The following MARCHF5 variants were observed in gnomAD, a reference collection of about 807,000 sequenced individuals.
MARCHF5 encodes the protein membrane associated ring-CH-type finger 5.
Under a neutral mutation model 36.5 loss-of-function variants are expected in MARCHF5, and 5 were observed. The ratio of observed to expected loss-of-function variants is 0.14; its 90% CI spans 0.07 to 0.29. The LOEUF (loss-of-function observed/expected upper bound fraction) is 0.29, where lower values mean the gene tolerates loss of function less well. Ranked by LOEUF, MARCHF5 falls within the 10% of genes least tolerant of loss-of-function variation. MARCHF5 has a pLI of 1.00. For missense variants in MARCHF5, 179 were observed against 336.3 expected (o/e 0.53, Z 3.66); for synonymous variants, 103 against 109.9 (o/e 0.94, Z 0.39).
chr10:92,330,813 A>G (rs1037651186), intron 2 of MARCHF5, among the ~76,000 whole-genome samples: 2 of 152,202 alleles, frequency 1.3e-5, no homozygotes, highest in Non-Finnish European at 2.9e-5. Context: ...TAACACCTTC[A>G]TTGTACAGAT....
At chr10:92,309,686 C>CA (rs1843122303) in intron 1 of MARCHF5, among the ~76,000 whole-genome samples, 1 of 151,480 alleles carries the variant, frequency 6.6e-6, no homozygotes, top group South Asian at 2.1e-4. Context: ...AAATTTTATG[C>CA]AAAAATCATA....
At chr10:92,335,313 C>T (rs1267460469) in intron 2 of MARCHF5, among the ~76,000 whole-genome samples, 2 of 152,178 alleles carry the variant, frequency 1.3e-5, no homozygotes, top group African/African-American at 4.8e-5. Context: ...ACATAAACTT[C>T]ATAGGAAGAG....
chr10:92,307,334 C>T (rs1036632413), intron 1 of MARCHF5, among the ~76,000 whole-genome samples: 1 of 152,126 alleles, frequency 6.6e-6, no homozygotes, highest in African/African-American at 2.4e-5. Flanking sequence ...GCTTTAATTT[C>T]CCCTTTGCCC....
At chr10:92,309,912 A>C (rs1174849681) in intron 1 of MARCHF5, among the ~76,000 whole-genome samples, 1 of 152,220 alleles carries the variant, frequency 6.6e-6, no homozygotes, top group Non-Finnish European at 1.5e-5. Context: ...GTGGGTCAAA[A>C]GGGTCAGAAT....
At chr10:92,301,663 ACT>A (rs1406061891) in intron 1 of MARCHF5, among the ~76,000 whole-genome samples, 2 of 152,200 alleles carry the variant, frequency 1.3e-5, no homozygotes, top group African/African-American at 4.8e-5. Context: ...AGGATGCCAA[ACT>A]CTGTAGATGC....
At chr10:92,297,179 T>C (rs1013521035) in intron 1 of MARCHF5, among the ~76,000 whole-genome samples, 1 of 151,506 alleles carries the variant, frequency 6.6e-6, no homozygotes, top group Non-Finnish European at 1.5e-5. Context: ...TTTTTTTTTT[T>C]TTTTTGAGTC....
At chr10:92,329,419 A>G (rs1056427621) in intron 2 of MARCHF5, among the ~76,000 whole-genome samples, 5 of 152,310 alleles carry the variant, frequency 3.3e-5, no homozygotes, top group Admixed American at 6.5e-5. Context: ...TAAGAAATAT[A>G]TTTTCCCCAA....
Position 92,300,849 on chromosome 10 carries a change from C to T in MARCHF5, c.35+9320C>T, listed in dbSNP as rs111540169. 2.6e-3 allele frequency among the ~76,000 whole-genome samples: 394 copies of T among 151,518 alleles called. 1 individual carries two copies. Among genetic ancestry groups the T allele is most frequent in the African/African-American group, 8.4e-3 (346 of 41,322 alleles). On this transcript the variant is annotated intron_variant, in intron 1 of 5. Transcript: ENST00000358935. The stretch of plus-strand genomic sequence containing the variant: ...TCTGCAGAAATATTTTTCTCTTCTT[C>T]TCCAGACTCATGTAGCAGTTCATCT...
chr10:92,322,344 C>G (rs1843300123), intron 2 of MARCHF5, among the ~76,000 whole-genome samples: 1 of 144,618 alleles, frequency 6.9e-6, no homozygotes. Context: ...TATTTATGTC[C>G]TTTCTTCCTT....
chr10:92,295,861 A>G (rs758820317), intron 1 of MARCHF5, among the ~76,000 whole-genome samples: 1 of 151,766 alleles, frequency 6.6e-6, no homozygotes, highest in Non-Finnish European at 1.5e-5. Flanking sequence ...ATATACATAC[A>G]TACATATATA....
At chr10:92,311,418 C>T in intron 2 of MARCHF5, 81 bp downstream of exon 2, 1 of 960,408 alleles carries the variant, frequency 1.0e-6, no homozygotes, top group Non-Finnish European at 1.5e-6. Context: ...AAATGAACCA[C>T]CTCTTTTTTT....
intron 3 of MARCHF5, among the ~76,000 whole-genome samples, chr10:92,347,158 A>C (rs1843654180): frequency 1.4e-5 from 2 of 141,692 alleles, no homozygotes; most frequent in Non-Finnish European, 3.0e-5. Flanking sequence ...AACCTGGGAA[A>C]CGTAGCAAGA....
At position 92,298,297 on chromosome 10, in the gene MARCHF5, A is replaced by G. The variant is rs535378012; in HGVS notation, c.35+6768A>G. Among the ~76,000 whole-genome samples the G allele has an allele frequency of 1.3e-3, 192 of 152,240 alleles. 1 individual carries two copies. The highest frequency in any genetic ancestry group is 4.4e-3 in the African/African-American group (183 of 41,558). ...CTTTTTCTTCCTTCAATTTCTATGT[A>G]TGGTTCAATTCTCAGCATTTACTAT... On this transcript the variant is annotated intron_variant, in intron 1 of 5. Transcript: ENST00000358935.
In MARCHF5 at chr10:92,340,556, AG is replaced by A. The variant is rs1843566913; in HGVS notation, c.239-116del. 1.6e-5 allele frequency: 15 copies of A among 952,552 alleles called. No homozygotes were observed. The South Asian group carries it at 2.7e-4, about 17-fold the overall frequency. 59.0% of individuals were successfully genotyped at this position (952,552 alleles called of 1,614,324 possible). ...CACTGCACTATAATCTGGATGACAAAGTGAGACCCTGTGTCTTGTTGGGGGG... is the reference window on the plus strand; with the variant it reads ...CACTGCACTATAATCTGGATGACAAATGAGACCCTGTGTCTTGTTGGGGGG... On this transcript the variant is annotated intron_variant, in intron 2 of 5. Transcript: ENST00000358935.
Position 92,349,823 on chromosome 10 carries a change from CAAAGGA to C in MARCHF5, c.707_712del (p.Gln236_Thr238delinsPro). 1 of 1,612,372 alleles carries C rather than the reference CAAAGGA, an allele frequency of 6.2e-7. No homozygotes were observed. The highest frequency in any genetic ancestry group is 8.5e-7 in the Non-Finnish European group (1 of 1,179,018). ...GTTCAGTAGTGTTAACTCTAATTTACAAAGGACAATCTTGGTAAGACGGCTTTAACA... is the reference window on the plus strand; with the variant it reads ...GTTCAGTAGTGTTAACTCTAATTTACCAATCTTGGTAAGACGGCTTTAACA... On this transcript the variant is annotated inframe_deletion, in exon 5 of 6. Transcript: ENST00000358935.
At chr10:92,332,093 T>C (rs1843443693) in intron 2 of MARCHF5, among the ~76,000 whole-genome samples, 1 of 150,918 alleles carries the variant, frequency 6.6e-6, no homozygotes, top group Non-Finnish European at 1.5e-5. Context: ...CAGATACTAT[T>C]TTGGACCAGG....
At chr10:92,306,683 A>G (rs937521002) in intron 1 of MARCHF5, among the ~76,000 whole-genome samples, 2 of 152,110 alleles carry the variant, frequency 1.3e-5, no homozygotes, top group African/African-American at 4.8e-5. Context: ...GCAAAAAGGG[A>G]AAGCATAATT....
chr10:92,310,635 C>T (rs540964258), intron 1 of MARCHF5, among the ~76,000 whole-genome samples: 18 of 151,456 alleles, frequency 1.2e-4, no homozygotes, highest in South Asian at 8.3e-4. Context: ...TATACTTTAC[C>T]GGAAAGAAAA....
rs1843742691 is a variant in MARCHF5, at chr10:92,353,455, C to CT, written c.*2249dup. 6.6e-6 allele frequency: 1 copy of CT among 152,164 alleles called. No homozygotes were observed. Among genetic ancestry groups the CT allele is most frequent in the South Asian group, 2.1e-4 (1 of 4,826 alleles). 9.4% of individuals were successfully genotyped at this position (152,164 alleles called of 1,614,324 possible). ...TGCAAATAATGTTTATCTCAGAAGA[C>CT]TATTTCTAGGATTAACTGAGAGATT... On this transcript the variant is annotated 3_prime_UTR_variant, in exon 6 of 6. Transcript: ENST00000358935.
Sources: gnomAD v4.1 joint callset for allele counts (sites outside exome capture counted in the v4.1 genomes callset) on GRCh38, gnomAD v4.1.1 for gene constraint, MANE v1.5 for transcripts, NCBI Gene and HGNC (gene_info 2026-07-23, HGNC 2026-07-21) for gene names.